The following HAUS1 variants were observed in gnomAD, a reference collection of about 807,000 sequenced individuals.
The protein encoded by HAUS1 is HAUS augmin-like complex subunit 1.
A neutral mutation model predicts 38.6 loss-of-function variants in HAUS1; 25 were observed. That is an observed-to-expected ratio of 0.65 (90% CI 0.47 to 0.91). The LOEUF (loss-of-function observed/expected upper bound fraction) is 0.91. Ranked by LOEUF, HAUS1 falls within the 40% of genes least tolerant of loss-of-function variation. HAUS1 has a pLI of 0.00. For missense variants in HAUS1, 325 were observed against 328.4 expected (o/e 0.99, Z 0.08); for synonymous variants, 109 against 112.9 (o/e 0.97, Z 0.22).
rs71160713 is a variant in HAUS1 at position 46,110,333 on chromosome 18, G to GTTTTTTT, written c.205+4988_205+4994dup. ...ACCATGCCCAGCTTATTTTTTTAAG[G>GTTTTTTT]TTTTTTTTTTTTTTTTTTTTTTTTT... On this transcript the variant is annotated intron_variant, in intron 2 of 8. Transcript: ENST00000282058. Among the ~76,000 whole-genome samples the GTTTTTTT allele has an allele frequency of 4.6e-3, 232 of 50,008 alleles. 31 individuals are homozygous for GTTTTTTT. The highest frequency in any genetic ancestry group is 6.3e-3 in the Non-Finnish European group (179 of 28,638). 32.8% of individuals were successfully genotyped at this position (50,008 alleles called of 152,430 possible).
At position 46,122,528 on chromosome 18, in the gene HAUS1, C is replaced by G. The variant is rs749766981; in HGVS notation, c.538C>G (p.Gln180Glu). 27 of 1,613,932 alleles carry G rather than the reference C, an allele frequency of 1.7e-5. No homozygotes were observed. The highest frequency in any genetic ancestry group is 2.3e-5 in the Non-Finnish European group (27 of 1,179,968). The change falls in exon 5 of 9, where the codon CAG becomes GAG. Residue 180 changes from glutamine to glutamate, a missense_variant. Coordinates refer to ENST00000282058, the MANE Select transcript of HAUS1 (RefSeq NM_138443.4). ...AAGGGCCAAAGTTGATAATCGTCGT[C>G]AGAACATGGACTTTCTAAAAGCAAA... ...TERAKVDNRR[Q>E]NMDFLKAKSE...
intron 2 of HAUS1, among the ~76,000 whole-genome samples, chr18:46,116,294 G>A (rs1279652963): frequency 1.3e-5 from 2 of 152,090 alleles, no homozygotes; most frequent in Non-Finnish European, 2.9e-5. Flanking sequence ...GGGCACAGTG[G>A]CTCACACCTG....
chr18:46,115,682 AG>A (rs1479277564), intron 2 of HAUS1, among the ~76,000 whole-genome samples: 2 of 152,158 alleles, frequency 1.3e-5, no homozygotes, highest in Non-Finnish European at 2.9e-5. Context: ...AAGGCAACAA[AG>A]GTATATACCC....
chr18:46,116,818 G>A (rs186003712), intron 2 of HAUS1, among the ~76,000 whole-genome samples: 1 of 152,168 alleles, frequency 6.6e-6, no homozygotes, highest in East Asian at 1.9e-4. Flanking sequence ...TTCAAGACCA[G>A]CCTGGGCAAC....
At chr18:46,127,086 A>G (rs1321391372) in intron 8 of HAUS1, among the ~76,000 whole-genome samples, 3 of 151,676 alleles carry the variant, frequency 2.0e-5, no homozygotes, top group Non-Finnish European at 4.4e-5. Context: ...CACCCGCCTC[A>G]GCCTCCCAAA....
At chr18:46,122,940 C>T (rs754358648) in intron 5 of HAUS1, among the ~76,000 whole-genome samples, 4 of 152,148 alleles carry the variant, frequency 2.6e-5, no homozygotes, top group African/African-American at 4.8e-5. Flanking sequence ...GGGCTGGGCA[C>T]GGTGGCTCAC....
rs1389240612 is a variant in HAUS1 at position 46,112,882 on chromosome 18, G to A, written c.206-5299G>A. On this transcript the variant is annotated intron_variant, in intron 2 of 8. Transcript: ENST00000282058. Reference sequence around the variant, plus strand: ...ATTACATATATATAATATATATAATGTGTATATATATTCCATATTATATAT... The same window carrying A: ...ATTACATATATATAATATATATAATATGTATATATATTCCATATTATATAT... Among the ~76,000 whole-genome samples, 22 of 103,322 alleles carry A rather than the reference G, an allele frequency of 2.1e-4. 2 individuals carry two copies. Among genetic ancestry groups the A allele is most frequent in the African/African-American group, 9.0e-4 (21 of 23,272 alleles). The allele number at this position is 103,322 out of a possible 152,430, so 67.8% of individuals were successfully genotyped here.
intron 2 of HAUS1, among the ~76,000 whole-genome samples, chr18:46,112,110 C>G (rs1311135960): frequency 6.6e-6 from 1 of 150,498 alleles, no homozygotes; most frequent in African/African-American, 2.4e-5. Context: ...TGGTCTCGAT[C>G]TCCTGACCTC....
chr18:46,126,006 G>A, intron 8 of HAUS1: 1 of 383,798 alleles, frequency 2.6e-6, no homozygotes, highest in East Asian at 4.8e-5. Context: ...GCTGGGCACA[G>A]TGGCTCACAC....
intron 7 of HAUS1, 120 bp from the exon 8 acceptor site, chr18:46,125,624 T>G (rs1912082840): frequency 1.6e-6 from 1 of 628,878 alleles, no homozygotes; most frequent in Non-Finnish European, 2.9e-6. Context: ...CAGTGTTATA[T>G]GTACATTGGG....
chr18:46,104,909 G>T (rs1305361569), intron 1 of HAUS1, among the ~76,000 whole-genome samples: 1 of 152,102 alleles, frequency 6.6e-6, no homozygotes, highest in Non-Finnish European at 1.5e-5. Flanking sequence ...AAGCTTTAAG[G>T]TTTTTCAAGC....
At chr18:46,117,435 C>T (rs1460323422) in intron 2 of HAUS1, among the ~76,000 whole-genome samples, 2 of 152,168 alleles carry the variant, frequency 1.3e-5, no homozygotes, top group African/African-American at 4.8e-5. Flanking sequence ...CAAAGGACCA[C>T]ACATCTTATG....
Position 46,119,964 on chromosome 18 carries a change from T to C in HAUS1, c.380T>C (p.Phe127Ser). The C allele has an allele frequency of 6.2e-7, 1 of 1,610,146 alleles. No homozygotes were observed. Among genetic ancestry groups the C allele is most frequent in the Non-Finnish European group, 8.5e-7 (1 of 1,178,794 alleles). The part of the protein sequence containing the change: ...PAVNDLTSDL[F>S]RTKSKSEEIK... ...GTGAATGATTTGACCTCTGATCTCT[T>C]TCGTACCAAATCCAAAAGTGAAGAA... The change falls in exon 4 of 9, where the codon TTT becomes TCT. Residue 127 changes from phenylalanine to serine, a missense_variant. By Grantham distance (155) the Phe-to-Ser change is radical (BLOSUM62 -2). Coordinates refer to ENST00000282058, the MANE Select transcript of HAUS1 (RefSeq NM_138443.4).
In HAUS1 at chr18:46,118,333, T is replaced by C; in HGVS notation, c.341+17T>C. 1 of 1,612,320 alleles carries C rather than the reference T, an allele frequency of 6.2e-7. No homozygotes were observed. The highest frequency in any genetic ancestry group is 8.5e-7 in the Non-Finnish European group (1 of 1,178,944). ...GCTAGCTAGGTAATTCTTATGACAG[T>C]TTTAATTTCCGCAATCATATCTGCT... On this transcript the variant is annotated intron_variant, in intron 3 of 8. Coordinates refer to ENST00000282058, the MANE Select transcript of HAUS1 (RefSeq NM_138443.4).
At chr18:46,122,648 C>T (rs1425560377) in intron 5 of HAUS1, 58 bp downstream of exon 5, 1 of 1,585,976 alleles carries the variant, frequency 6.3e-7, no homozygotes, top group Non-Finnish European at 8.7e-7. Flanking sequence ...TTACCATCAT[C>T]CTCACAGCTA....
intron 2 of HAUS1, chr18:46,109,777 G>A (rs72903458): frequency 0.065 from 9,801 of 151,894 alleles, 405 homozygotes; most frequent in African/African-American, 0.12. Context: ...ACATGCCACC[G>A]TGCTCAGGTA....
At chr18:46,112,318 T>A (rs867631475) in intron 2 of HAUS1, among the ~76,000 whole-genome samples, 1,110 of 101,000 alleles carry the variant, frequency 0.011, 10 homozygotes, top group African/African-American at 0.028. Context: ...TTATATATAA[T>A]ATATATAATG....
chr18:46,122,330 A>G, intron 4 of HAUS1, 137 bp from the exon 5 acceptor site: 4 of 759,688 alleles, frequency 5.3e-6, no homozygotes, highest in Middle Eastern at 4.0e-4. Context: ...CCCAGAGTGC[A>G]ACATGGAGGG....
chr18:46,107,912 T>G (rs1406549148), intron 2 of HAUS1, among the ~76,000 whole-genome samples: 1 of 152,180 alleles, frequency 6.6e-6, no homozygotes, highest in Non-Finnish European at 1.5e-5. Flanking sequence ...CCTATTTTGC[T>G]CAGGCTGGTC....
Sources: allele counts gnomAD v4.1 joint callset (sites outside exome capture counted in the v4.1 genomes callset), GRCh38; gene constraint gnomAD v4.1.1; transcripts MANE v1.5; gene names NCBI Gene and HGNC (gene_info 2026-07-23, HGNC 2026-07-21).